Variants in ATRAID observed in about 807,000 individuals in gnomAD.
The protein encoded by ATRAID is all-trans retinoic acid induced differentiation factor.
In ATRAID, 26 loss-of-function variants were observed where a neutral mutation model predicts 28.8. The ratio of observed to expected loss-of-function variants is 0.90; its 90% CI spans 0.66 to 1.25. ATRAID has a LOEUF of 1.25. ATRAID is among the 50% of genes most tolerant of loss of function. The pLI, the probability that ATRAID is intolerant of heterozygous loss-of-function variation, is 0.00. For synonymous variants in ATRAID, 131 were observed against 108.5 expected (o/e 1.21, Z -1.29); for missense variants, 308 against 285.9 (o/e 1.08, Z -0.56).
chr2:27,215,884 A>C (rs1674807561), intron 5 of ATRAID, 131 bp downstream of exon 5: 3 of 1,240,876 alleles, frequency 2.4e-6, no homozygotes, highest in Admixed American at 4.9e-5. Context: ...CTTTGAAAGA[A>C]AAGATCTTAA....
chr2:27,216,814 TG>T (rs1674861809), intron 6 of ATRAID, 29 bp from the exon 7 acceptor site: 2 of 1,575,312 alleles, frequency 1.3e-6, no homozygotes, highest in African/African-American at 2.7e-5. Flanking sequence ...TAACGTTGTA[TG>T]GGGGTGTTTT....
chr2:27,215,281 A>G, intron 2 of ATRAID, 40 bp from the exon 3 acceptor site: 1 of 1,595,928 alleles, frequency 6.3e-7, no homozygotes, highest in Non-Finnish European at 8.6e-7. Context: ...CTGAAGAAAA[A>G]GAGGAACACA....
chr2:27,214,091 T>G (rs1039675822), intron 2 of ATRAID, among the ~76,000 whole-genome samples: 2 of 152,262 alleles, frequency 1.3e-5, no homozygotes, highest in African/African-American at 4.8e-5. Context: ...TAATCTTTAG[T>G]GTCCACTCAA....
intron 1 of ATRAID, chr2:27,212,697 T>A: frequency 7.6e-7 from 1 of 1,309,396 alleles, no homozygotes; most frequent in Non-Finnish European, 9.9e-7. Flanking sequence ...TTTCGCCCCT[T>A]AATTTTAGAA....
chr2:27,214,401 CTTTGA>C (rs1431368246), intron 2 of ATRAID, among the ~76,000 whole-genome samples: 1 of 91,870 alleles, frequency 1.1e-5, no homozygotes, highest in Non-Finnish European at 2.1e-5. Flanking sequence ...TGGAAAAAAA[CTTTGA>C]TTTATGTGAC....
chr2:27,216,740 T>C, intron 6 of ATRAID, 104 bp from the exon 7 acceptor site: 1 of 1,420,484 alleles, frequency 7.0e-7, no homozygotes, highest in Non-Finnish European at 9.9e-7. Flanking sequence ...AACTATAGAA[T>C]TGCCCTAGAC....
At chr2:27,212,858 C>G (rs912537398) in intron 1 of ATRAID, 6 of 450,904 alleles carry the variant, frequency 1.3e-5, no homozygotes, top group Admixed American at 8.5e-5. Flanking sequence ...CCGCGCCAAA[C>G]TAGGGCTGTC....
At chr2:27,212,957 C>G in intron 1 of ATRAID, 1 of 569,206 alleles carries the variant, frequency 1.8e-6, no homozygotes, top group Non-Finnish European at 3.0e-6. Context: ...ATATCTGGTA[C>G]TGAAAGTGTC....
Position 27,217,051 on chromosome 2 carries a change from T to C in ATRAID, c.*103T>C. On this transcript the variant is annotated 3_prime_UTR_variant, in exon 7 of 7. Transcript: ENST00000380171. ...GGCATCTTTCGCCAGTGGATTCGCC[T>C]CAAGGTTGAGGCCGCCATTGGAAGA... 9.6e-7 allele frequency: 1 copy of C among 1,043,736 alleles called. No individual in the cohort carries two copies. The highest frequency in any genetic ancestry group is 1.4e-6 in the Non-Finnish European group (1 of 727,234). 64.7% of individuals were successfully genotyped at this position (1,043,736 alleles called of 1,614,324 possible). A position where few individuals can be genotyped will look rare whatever the true frequency, so the allele number is the denominator to read the frequency against.
chr2:27,215,438 G>T (rs1293081913), intron 3 of ATRAID, 36 bp from the exon 4 acceptor site: 1 of 1,614,110 alleles, frequency 6.2e-7, no homozygotes, highest in Admixed American at 1.7e-5. Flanking sequence ...TATAATGTAG[G>T]TTGATGCGAA....
In ATRAID at chr2:27,213,263, C is replaced by T. The variant is rs781024153; in HGVS notation, c.186C>T (p.Ala62=). 2.5e-6 allele frequency: 4 copies of T among 1,613,982 alleles called. No individual in the cohort carries two copies. Among genetic ancestry groups the T allele is most frequent in the East Asian group, 2.2e-5 (1 of 44,904 alleles). Residue 62 remains alanine, a synonymous_variant, in exon 2 of 7, where the codon GCC becomes GCT. Transcript: ENST00000380171. ...CKTTRELMLH[A]RCCLNQKGTI... ...CGACACGAGAGCTAATGCTGCATGC[C>T]CGTTGCTGCCTGAATCAGAAGGGCA...
At chr2:27,215,829 A>G in intron 5 of ATRAID, 76 bp downstream of exon 5, 1 of 1,560,056 alleles carries the variant, frequency 6.4e-7, no homozygotes, top group South Asian at 1.2e-5. Context: ...CAGAAAGACA[A>G]AGTTGCTTAA....
At chr2:27,216,814 T>C in intron 6 of ATRAID, 30 bp from the exon 7 acceptor site, 1 of 1,575,314 alleles carries the variant, frequency 6.3e-7, no homozygotes, top group Non-Finnish European at 8.7e-7. Flanking sequence ...TAACGTTGTA[T>C]GGGGGTGTTT....
chr2:27,216,250 G>A (rs887963267), intron 5 of ATRAID: 3 of 427,908 alleles, frequency 7.0e-6, no homozygotes, highest in Non-Finnish European at 1.3e-5. Flanking sequence ...AATCACAATG[G>A]TGGAATGTCA....
At chr2:27,212,663 CT>C in intron 1 of ATRAID, 196 bp downstream of exon 1, 1 of 1,382,198 alleles carries the variant, frequency 7.2e-7, no homozygotes, top group African/African-American at 1.5e-5. Flanking sequence ...GTCCTGCCGA[CT>C]TTCAAAGACC....
At chr2:27,216,821 G>A (rs1674862810) in intron 6 of ATRAID, 23 bp from the exon 7 acceptor site, 2 of 1,597,086 alleles carry the variant, frequency 1.3e-6, no homozygotes, top group Non-Finnish European at 8.6e-7. Context: ...GTATGGGGGT[G>A]TTTTTTGGTC....
chr2:27,213,025 G>T (rs1674662553), intron 1 of ATRAID, 152 bp from the exon 2 acceptor site: 1 of 946,438 alleles, frequency 1.1e-6, no homozygotes, highest in African/African-American at 1.6e-5. Flanking sequence ...AGCCTAGCCT[G>T]TTACAAGGGT....
rs143401261 is a variant in ATRAID at position 27,216,849 on chromosome 2, G to A, written c.591G>A (p.Ser197=). 35 of 1,613,858 alleles carry A rather than the reference G, an allele frequency of 2.2e-5. No homozygotes were observed. In the African/African-American group the frequency reaches 4.0e-4, roughly 18 times the overall value. The change falls in exon 7 of 7, where the codon TCG becomes TCA. Residue 197 remains serine, a synonymous_variant. Coordinates refer to ENST00000380171, the MANE Select transcript of ATRAID (RefSeq NM_001170795.4). ...TTTTGGTCTGTTGTTCACAGGGCTC[G>A]TTCTCACTGCTTATGTTCTTCGGGA... ...FHGYKCMRQG[S]FSLLMFFGIL...
At position 27,216,852 on chromosome 2, in the gene ATRAID, C is replaced by T. The variant is rs765164079; in HGVS notation, c.594C>T (p.Phe198=). 8.7e-6 allele frequency: 14 copies of T among 1,613,876 alleles called. No homozygotes were observed. In the African/African-American group the frequency reaches 1.9e-4, roughly 22 times the overall value. Residue 198 remains phenylalanine, a synonymous_variant, in exon 7 of 7, where the codon TTC becomes TTT. Transcript: ENST00000380171. Reference sequence around the variant, plus strand: ...TGGTCTGTTGTTCACAGGGCTCGTTCTCACTGCTTATGTTCTTCGGGATTC... The same window carrying T: ...TGGTCTGTTGTTCACAGGGCTCGTTTTCACTGCTTATGTTCTTCGGGATTC... ...HGYKCMRQGS[F]SLLMFFGILG... is the part of the protein sequence containing the mutation.
Sources: allele counts gnomAD v4.1 joint callset (sites outside exome capture counted in the v4.1 genomes callset), GRCh38; gene constraint gnomAD v4.1.1; transcripts MANE v1.5; gene names NCBI Gene and HGNC (gene_info 2026-07-23, HGNC 2026-07-21).